The following FAT3 variants were observed in gnomAD, a reference collection of about 807,000 sequenced individuals.
FAT3 encodes the protein protocadherin Fat 3.
Under a neutral mutation model 310.2 loss-of-function variants are expected in FAT3, and 95 were observed. The observed-to-expected ratio is 0.31, with a 90% confidence interval of 0.26 to 0.36. FAT3 has a LOEUF of 0.36. Among genes scored for constraint, FAT3 ranks in the 10% least tolerant of loss-of-function variants. FAT3 has a pLI of 1.00. For synonymous variants in FAT3, 2,314 were observed against 2,192.9 expected (o/e 1.06, Z -1.54); for missense variants, 5,408 against 5,715.6 (o/e 0.95, Z 1.74).
At chr11:92,867,409 G>C (rs556402688) in intron 22 of FAT3, among the ~76,000 whole-genome samples, 200 bp downstream of exon 22, 1 of 152,176 alleles carries the variant, frequency 6.6e-6, no homozygotes, top group Non-Finnish European at 1.5e-5. Context: ...TTTGCCAATC[G>C]TTTGCAGCTT....
intron 2 of FAT3, among the ~76,000 whole-genome samples, chr11:92,356,334 T>C (rs1948730359): frequency 6.6e-6 from 1 of 152,220 alleles, no homozygotes; most frequent in Non-Finnish European, 1.5e-5. Flanking sequence ...TATTAGCACC[T>C]TACCATTTTC....
At chr11:92,482,217 A>G (rs1952245747) in intron 2 of FAT3, among the ~76,000 whole-genome samples, 1 of 152,170 alleles carries the variant, frequency 6.6e-6, no homozygotes, top group Non-Finnish European at 1.5e-5. Flanking sequence ...TTTTCCATTT[A>G]TCATCATTTC....
rs374701172 is a variant in FAT3 at position 92,596,656 on chromosome 11, A to G, written c.3607+71708A>G. Among the ~76,000 whole-genome samples the G allele has an allele frequency of 9.7e-4, 147 of 152,288 alleles. 1 individual carries two copies. The South Asian group carries it at 0.019, about 19-fold the overall frequency. ...TTGTTATCCAATTATAAGAACAACA[A>G]ACCTCCTTCATACTGGCTGTGTTTA... On this transcript the variant is annotated intron_variant, in intron 3 of 27. Transcript: ENST00000525166.
At chr11:92,773,593 T>G (rs1946516171) in intron 6 of FAT3, among the ~76,000 whole-genome samples, 3 of 152,172 alleles carry the variant, frequency 2.0e-5, no homozygotes, top group Admixed American at 6.6e-5. Context: ...GCCAAATGTT[T>G]ACCATCAATC....
rs1361954440 is a variant in FAT3, at chr11:92,800,333, G to T, written c.7320G>T (p.Thr2440=). The T allele has an allele frequency of 6.2e-7, 1 of 1,613,928 alleles. No individual in the cohort carries two copies. Among genetic ancestry groups the T allele is most frequent in the Non-Finnish European group, 8.5e-7 (1 of 1,179,866 alleles). The part of the protein sequence containing the change: ...EYSILSGNDR[T]SFLMDSKSGV... ...GCATTTTATCTGGGAATGACCGGAC[G>T]AGCTTTCTGATGGACAGCAAGAGTG... Residue 2440 remains threonine, a synonymous_variant, in exon 10 of 28, where the codon ACG becomes ACT. Coordinates refer to ENST00000525166, the MANE Select transcript of FAT3 (RefSeq NM_001367949.2).
rs553022221 is a variant in FAT3, at chr11:92,389,554, A to G, written c.3292+34150A>G. 8.5e-5 allele frequency among the ~76,000 whole-genome samples: 13 copies of G among 152,338 alleles called. 1 individual carries two copies. The highest frequency in any genetic ancestry group is 3.1e-4 in the African/African-American group (13 of 41,570). On this transcript the variant is annotated intron_variant, in intron 2 of 27. Coordinates refer to ENST00000525166, the MANE Select transcript of FAT3 (RefSeq NM_001367949.2). ...TAGATTTAAATGGTAAAGACTAATG[A>G]TATTAGAATATCTTAAGGCAGAACG...
At chr11:92,311,006 A>G (rs1416787144) in intron 1 of FAT3, among the ~76,000 whole-genome samples, 1 of 151,424 alleles carries the variant, frequency 6.6e-6, no homozygotes, top group Non-Finnish European at 1.5e-5. Flanking sequence ...ATGTGTATGT[A>G]TATATATACA....
intron 1 of FAT3, among the ~76,000 whole-genome samples, chr11:92,256,188 C>A (rs1479230205): frequency 6.6e-6 from 1 of 151,942 alleles, no homozygotes. Flanking sequence ...TAGGATCTAT[C>A]TTTTGGCACA....
At chr11:92,280,670 A>G (rs1246067910) in intron 1 of FAT3, among the ~76,000 whole-genome samples, 1 of 152,148 alleles carries the variant, frequency 6.6e-6, no homozygotes, top group East Asian at 1.9e-4. Context: ...GATCAGTTAG[A>G]TCTCTATAAT....
At chr11:92,395,252 T>A (rs1222475936) in intron 2 of FAT3, among the ~76,000 whole-genome samples, 1 of 152,226 alleles carries the variant, frequency 6.6e-6, no homozygotes, top group Non-Finnish European at 1.5e-5. Flanking sequence ...TTGAATTGAT[T>A]GACAGTATTG....
chr11:92,248,253 T>C (rs1005258741), intron 1 of FAT3, among the ~76,000 whole-genome samples: 3 of 152,124 alleles, frequency 2.0e-5, no homozygotes, highest in African/African-American at 7.2e-5. Flanking sequence ...TTATATCTCA[T>C]ACTCTCATGT....
chr11:92,356,394 C>CT (rs1317868928), intron 2 of FAT3, among the ~76,000 whole-genome samples: 1 of 152,166 alleles, frequency 6.6e-6, no homozygotes, highest in Non-Finnish European at 1.5e-5. Flanking sequence ...TTGTAGAGTG[C>CT]TTTTTTCCCC....
chr11:92,853,390 C>A (rs896964557), intron 19 of FAT3, among the ~76,000 whole-genome samples: 6 of 152,230 alleles, frequency 3.9e-5, no homozygotes, highest in Non-Finnish European at 8.8e-5. Context: ...AACCACAGAA[C>A]CTCAAAGAGA....
chr11:92,654,466 T>G (rs1404601283), intron 3 of FAT3, among the ~76,000 whole-genome samples: 1 of 152,232 alleles, frequency 6.6e-6, no homozygotes, highest in Non-Finnish European at 1.5e-5. Context: ...ACCTGCTGCT[T>G]CTTGCTGCTT....
intron 2 of FAT3, among the ~76,000 whole-genome samples, chr11:92,478,968 T>TTTCTTTCTTTCTTTC (rs71064711): frequency 1.4e-5 from 1 of 70,030 alleles, no homozygotes; most frequent in Admixed American, 2.1e-4. Context: ...TTTTCTTTTC[T>TTTCTTTCTTTCTTTC]TTTCTTTTCT....
At chr11:92,366,056 C>T (rs1488878999) in intron 2 of FAT3, among the ~76,000 whole-genome samples, 2 of 152,196 alleles carry the variant, frequency 1.3e-5, no homozygotes, top group African/African-American at 2.4e-5. Context: ...TTGCATTCAT[C>T]TTCCACTGGA....
At chr11:92,559,789 G>C (rs1193683607) in intron 3 of FAT3, among the ~76,000 whole-genome samples, 1 of 152,160 alleles carries the variant, frequency 6.6e-6, no homozygotes, top group East Asian at 1.9e-4. Context: ...TTTGTGTTGT[G>C]TGTATCAGTA....
chr11:92,471,318 CTT>C (rs1248622662), intron 2 of FAT3, among the ~76,000 whole-genome samples: 2 of 151,996 alleles, frequency 1.3e-5, no homozygotes, highest in African/African-American at 2.4e-5. Context: ...TATAAAAACT[CTT>C]AACAAAATAT....
At chr11:92,274,129 A>G (rs1038806303) in intron 1 of FAT3, among the ~76,000 whole-genome samples, 2 of 152,088 alleles carry the variant, frequency 1.3e-5, no homozygotes, top group African/African-American at 2.4e-5. Flanking sequence ...TGTATCCTCA[A>G]TATCCTTTTT....
Sources: gnomAD v4.1 joint callset for allele counts (sites outside exome capture counted in the v4.1 genomes callset) on GRCh38, gnomAD v4.1.1 for gene constraint, MANE v1.5 for transcripts, NCBI Gene and HGNC (gene_info 2026-07-23, HGNC 2026-07-21) for gene names.